Variants in FHIP1A observed in about 807,000 individuals in gnomAD.
FHIP1A encodes FHF complex subunit HOOK-interacting protein 1A.
A neutral mutation model predicts 88.6 loss-of-function variants in FHIP1A; 61 were observed. The ratio of observed to expected loss-of-function variants is 0.69; its 90% CI spans 0.56 to 0.85. The LOEUF (loss-of-function observed/expected upper bound fraction) is 0.85. Among genes scored for constraint, FHIP1A ranks in the 40% least tolerant of loss-of-function variants. The pLI is 0.00. For synonymous variants in FHIP1A, 478 were observed against 496.0 expected, an observed-to-expected ratio of 0.96 and a Z score of 0.48; for missense variants, 1,154 against 1,273.5, an observed-to-expected ratio of 0.91 and a Z score of 1.43.
intron 2 of FHIP1A, among the ~76,000 whole-genome samples, chr4:151,466,300 A>G (rs1207706282): frequency 6.6e-6 from 1 of 152,192 alleles, no homozygotes; most frequent in Non-Finnish European, 1.5e-5. Flanking sequence ...CTTCAAGGAG[A>G]ACTACAAACC....
At chr4:151,481,655 A>G (rs1274497473) in intron 2 of FHIP1A, among the ~76,000 whole-genome samples, 1 of 152,090 alleles carries the variant, frequency 6.6e-6, no homozygotes, top group Non-Finnish European at 1.5e-5. Context: ...GCCTGTTTCC[A>G]TGTTTTAAAT....
chr4:151,537,674 C>T (rs1325331103), intron 3 of FHIP1A, among the ~76,000 whole-genome samples: 1 of 152,184 alleles, frequency 6.6e-6, no homozygotes, highest in Non-Finnish European at 1.5e-5. Context: ...CTTTTCCTAG[C>T]TGGTATGGAC....
At chr4:151,558,277 T>C (rs1733032105) in intron 3 of FHIP1A, among the ~76,000 whole-genome samples, 1 of 152,172 alleles carries the variant, frequency 6.6e-6, no homozygotes, top group Non-Finnish European at 1.5e-5. Flanking sequence ...GGCACATACC[T>C]GTAATCCAAG....
intron 3 of FHIP1A, among the ~76,000 whole-genome samples, chr4:151,565,582 AT>A (rs1211991362): frequency 1.3e-5 from 2 of 152,090 alleles, no homozygotes; most frequent in Non-Finnish European, 2.9e-5. Context: ...ATTTAAAAAA[AT>A]ATTCAATCAA....
At chr4:151,641,070 C>T (rs1560815851) in intron 9 of FHIP1A, among the ~76,000 whole-genome samples, 1 of 151,782 alleles carries the variant, frequency 6.6e-6, no homozygotes, top group East Asian at 1.9e-4. Context: ...AAAAAAATGC[C>T]AGACCTGACG....
chr4:151,652,962 C>A (rs538625121), intron 11 of FHIP1A, among the ~76,000 whole-genome samples: 1 of 152,166 alleles, frequency 6.6e-6, no homozygotes, highest in Non-Finnish European at 1.5e-5. Flanking sequence ...GTGACTGGAT[C>A]TGAAAAGGCC....
chr4:151,492,136 AC>A (rs34983293), intron 3 of FHIP1A, among the ~76,000 whole-genome samples: 18,897 of 152,200 alleles, frequency 0.12, 1,290 homozygotes, highest in African/African-American at 0.17. Flanking sequence ...CTTAAACTAT[AC>A]CGTAGAACAA....
intron 1 of FHIP1A, among the ~76,000 whole-genome samples, chr4:151,442,833 G>T (rs1728460677): frequency 6.6e-6 from 1 of 152,216 alleles, no homozygotes; most frequent in South Asian, 2.1e-4. Context: ...TATATACTTT[G>T]AGAGATTTCC....
chr4:151,552,691 G>T (rs1732789202), intron 3 of FHIP1A, among the ~76,000 whole-genome samples: 1 of 152,024 alleles, frequency 6.6e-6, no homozygotes, highest in Non-Finnish European at 1.5e-5. Context: ...GGGAGGATGG[G>T]GGAGGGATAG....
chr4:151,607,452 A>G (rs1353346637), intron 7 of FHIP1A, among the ~76,000 whole-genome samples: 1 of 152,264 alleles, frequency 6.6e-6, no homozygotes, highest in Non-Finnish European at 1.5e-5. Context: ...CCAGCTATTA[A>G]GTAGATCTAG....
intron 4 of FHIP1A, among the ~76,000 whole-genome samples, chr4:151,575,121 G>T (rs1733738726): frequency 6.6e-6 from 1 of 152,114 alleles, no homozygotes; most frequent in Admixed American, 6.5e-5. Context: ...CCCAGTTTTA[G>T]ATAGTTTAGA....
chr4:151,464,672 G>T (rs1729247763), intron 2 of FHIP1A, among the ~76,000 whole-genome samples: 1 of 152,190 alleles, frequency 6.6e-6, no homozygotes, highest in Non-Finnish European at 1.5e-5. Context: ...TCATCAGGAA[G>T]CTTATTGTGT....
chr4:151,509,626 C>T (rs953535253), intron 3 of FHIP1A, among the ~76,000 whole-genome samples: 4 of 152,050 alleles, frequency 2.6e-5, no homozygotes, highest in African/African-American at 9.7e-5. Flanking sequence ...AAATAGTGGT[C>T]GGGGCAGGGA....
At chr4:151,434,256 CAT>C (rs1336461410) in intron 1 of FHIP1A, among the ~76,000 whole-genome samples, 4 of 152,146 alleles carry the variant, frequency 2.6e-5, no homozygotes, top group Non-Finnish European at 4.4e-5. Context: ...TCTTTTTTAA[CAT>C]ATGCATTTCT....
At chr4:151,629,498 T>C (rs893598823) in intron 7 of FHIP1A, among the ~76,000 whole-genome samples, 3 of 152,214 alleles carry the variant, frequency 2.0e-5, no homozygotes, top group African/African-American at 7.2e-5. Flanking sequence ...TTTTTCCTTA[T>C]TGAATTAAAG....
chr4:151,593,427 C>T (rs1377347051), intron 7 of FHIP1A, among the ~76,000 whole-genome samples: 1 of 152,168 alleles, frequency 6.6e-6, no homozygotes, highest in African/African-American at 2.4e-5. Flanking sequence ...TTTGTGTCCT[C>T]TCTTATTTCC....
chr4:151,556,873 T>C (rs902473400), intron 3 of FHIP1A, among the ~76,000 whole-genome samples: 33 of 152,192 alleles, frequency 2.2e-4, no homozygotes, highest in African/African-American at 8.0e-4. Context: ...ATATTATTTT[T>C]TGTACATCCT....
chr4:151,641,425 G>A (rs1439221337), intron 9 of FHIP1A, among the ~76,000 whole-genome samples: 3 of 152,268 alleles, frequency 2.0e-5, no homozygotes, highest in Non-Finnish European at 2.9e-5. Context: ...TTGAAATGCT[G>A]TAAAGCAAGG....
intron 1 of FHIP1A, among the ~76,000 whole-genome samples, chr4:151,443,683 C>CTGTGTGTGTGTGTGTG (rs1491201547): frequency 3.9e-5 from 2 of 51,922 alleles, no homozygotes; most frequent in East Asian, 9.5e-4. Flanking sequence ...AAATGAAGCA[C>CTGTGTGTGTGTGTGTG]TCTGTGTGTG....
Sources: gnomAD v4.1 joint callset for allele counts (sites outside exome capture counted in the v4.1 genomes callset) on GRCh38, gnomAD v4.1.1 for gene constraint, MANE v1.5 for transcripts, NCBI Gene and HGNC (gene_info 2026-07-23, HGNC 2026-07-21) for gene names.